MYO16: variants seen among roughly 807,000 people sequenced by gnomAD.
MYO16 encodes the protein unconventional myosin-XVI.
In MYO16, 94 loss-of-function variants were observed where a neutral mutation model predicts 205.3. The ratio of observed to expected loss-of-function variants is 0.46; its 90% CI spans 0.39 to 0.54. MYO16 has a LOEUF of 0.54. Among genes scored for constraint, MYO16 ranks in the 20% least tolerant of loss-of-function variants. The pLI, the probability that MYO16 is intolerant of heterozygous loss-of-function variation, is 0.00. For missense variants in MYO16, 2,315 were observed against 2,387.5 expected (o/e 0.97, Z 0.63); for synonymous variants, 988 against 954.0 (o/e 1.04, Z -0.66).
the MYO16 span, among the ~76,000 whole-genome samples, chr13:108,516,546 A>C: frequency 1.3e-5 from 2 of 152,228 alleles, no homozygotes; most frequent in Non-Finnish European, 2.9e-5. Flanking sequence ...TTGATTGAGA[A>C]CTATAACACA....
intron 10 of MYO16, among the ~76,000 whole-genome samples, chr13:108,851,209 G>A (rs889979545): frequency 2.6e-5 from 4 of 152,016 alleles, no homozygotes; most frequent in African/African-American, 9.7e-5. Context: ...ATTACTCAAA[G>A]TTACTGCAAT....
At position 109,043,483 on chromosome 13, in the gene MYO16, T is replaced by A. The variant is rs114161637; in HGVS notation, c.2797-3433T>A. 5.0e-3 allele frequency among the ~76,000 whole-genome samples: 759 copies of A among 152,294 alleles called. 9 individuals carry two copies. Among genetic ancestry groups the A allele is most frequent in the African/African-American group, 0.017 (719 of 41,566 alleles). On this transcript the variant is annotated intron_variant, in intron 23 of 34. Transcript: ENST00000457511. ...AAGCTAGAATTGTAGATTGTGGCTA[T>A]ATAGAGGAAGACTCTATATGACAGA...
chr13:108,704,462 G>A (rs902487466), intron 2 of MYO16, among the ~76,000 whole-genome samples: 1 of 152,080 alleles, frequency 6.6e-6, no homozygotes, highest in Non-Finnish European at 1.5e-5. Context: ...TAACAAACCT[G>A]CATGTTGTGC....
At chr13:108,653,706 G>A (rs536860439) in intron 1 of MYO16, among the ~76,000 whole-genome samples, 24 of 150,886 alleles carry the variant, frequency 1.6e-4, no homozygotes, top group African/African-American at 5.6e-4. Context: ...TTCTTCCCCC[G>A]GTGTAAAACA....
intron 1 of MYO16, among the ~76,000 whole-genome samples, chr13:108,645,585 C>A (rs1349236638): frequency 6.6e-6 from 1 of 152,174 alleles, no homozygotes; most frequent in South Asian, 2.1e-4. Flanking sequence ...CGTTCATCTA[C>A]AAGGATTCTG....
intron 9 of MYO16, among the ~76,000 whole-genome samples, chr13:108,834,263 C>T (rs1876778990): frequency 6.6e-6 from 1 of 152,084 alleles, no homozygotes; most frequent in Non-Finnish European, 1.5e-5. Context: ...GTGATTAAGC[C>T]ATGGGCATTT....
chr13:109,086,630 T>C (rs1280069711), intron 27 of MYO16, among the ~76,000 whole-genome samples: 1 of 152,212 alleles, frequency 6.6e-6, no homozygotes, highest in African/African-American at 2.4e-5. Flanking sequence ...TTCTTATCAT[T>C]TGGACCTATC....
chr13:108,831,754 C>A (rs1349305994), intron 9 of MYO16, among the ~76,000 whole-genome samples: 1 of 152,186 alleles, frequency 6.6e-6, no homozygotes, highest in African/African-American at 2.4e-5. Flanking sequence ...CTCAGGTCAT[C>A]CACCCGCTTT....
chr13:109,048,505 A>T (rs1035691459), intron 24 of MYO16: 5 of 481,940 alleles, frequency 1.0e-5, no homozygotes, highest in East Asian at 3.0e-5. Context: ...TTATAATGTG[A>T]AAAACAGCTG....
intron 7 of MYO16, among the ~76,000 whole-genome samples, chr13:108,811,778 G>C (rs1887301264): frequency 6.6e-6 from 1 of 151,906 alleles, no homozygotes; most frequent in African/African-American, 2.4e-5. Flanking sequence ...CCCTCATCCA[G>C]GACACTAGCA....
chr13:109,152,802 G>C (rs906701338), intron 32 of MYO16, among the ~76,000 whole-genome samples: 1 of 152,196 alleles, frequency 6.6e-6, no homozygotes, highest in Non-Finnish European at 1.5e-5. Context: ...CAGGCAAAAT[G>C]ATAAAACTAG....
the MYO16 span, among the ~76,000 whole-genome samples, chr13:108,569,773 T>G: frequency 2.0e-4 from 31 of 152,200 alleles, no homozygotes; most frequent in African/African-American, 7.5e-4. Context: ...GTATATTAGC[T>G]CTGGGTTTTG....
At chr13:108,851,981 A>G (rs1877896499) in intron 10 of MYO16, among the ~76,000 whole-genome samples, 1 of 151,970 alleles carries the variant, frequency 6.6e-6, no homozygotes, top group Non-Finnish European at 1.5e-5. Flanking sequence ...AGGGCCTCCC[A>G]CACACCCATC....
intron 23 of MYO16, among the ~76,000 whole-genome samples, chr13:109,031,821 T>C (rs1320439076): frequency 6.6e-6 from 1 of 152,170 alleles, no homozygotes; most frequent in Non-Finnish European, 1.5e-5. Flanking sequence ...TCATACAATG[T>C]CATTTATTTG....
chr13:108,499,872 C>T, the MYO16 span, among the ~76,000 whole-genome samples: 1 of 152,144 alleles, frequency 6.6e-6, no homozygotes, highest in Non-Finnish European at 1.5e-5. Context: ...AAAGCCTGGG[C>T]AGAAGCGTCT....
intron 23 of MYO16, among the ~76,000 whole-genome samples, chr13:109,036,248 T>C (rs538803290): frequency 2.0e-5 from 3 of 152,284 alleles, no homozygotes; most frequent in Admixed American, 2.0e-4. Flanking sequence ...GGCGTTCTCT[T>C]GCCTTTGGAT....
the MYO16 span, among the ~76,000 whole-genome samples, chr13:108,577,383 A>G: frequency 6.6e-6 from 1 of 152,130 alleles, no homozygotes; most frequent in East Asian, 1.9e-4. Context: ...TCTCCTTACC[A>G]TGTTGTTGTG....
chr13:108,507,101 G>A, the MYO16 span, among the ~76,000 whole-genome samples: 2 of 152,084 alleles, frequency 1.3e-5, no homozygotes, highest in Non-Finnish European at 2.9e-5. Flanking sequence ...TTGGGCAGCA[G>A]CAGTGAGCCA....
chr13:108,856,109 C>T (rs1202516019), intron 11 of MYO16, among the ~76,000 whole-genome samples: 7 of 152,174 alleles, frequency 4.6e-5, no homozygotes, highest in South Asian at 2.1e-4. Context: ...TTATTTACTG[C>T]GGTTCTATCG....
Sources: gnomAD v4.1 joint callset for allele counts (sites outside exome capture counted in the v4.1 genomes callset) on GRCh38, gnomAD v4.1.1 for gene constraint, MANE v1.5 for transcripts, NCBI Gene and HGNC (gene_info 2026-07-23, HGNC 2026-07-21) for gene names.